Variants in SCD5 observed in about 807,000 individuals in gnomAD.
The protein encoded by SCD5 is stearoyl-CoA desaturase 5.
A neutral mutation model predicts 30.4 loss-of-function variants in SCD5; 20 were observed. The observed-to-expected ratio is 0.66, with a 90% CI of 0.46 to 0.96. SCD5 has a LOEUF of 0.96. Among genes scored for constraint, SCD5 ranks in the 40% least tolerant of loss-of-function variants. The probability of loss-of-function intolerance (pLI) is 0.00; values close to 1 mark genes in which losing one functional copy is unlikely to be tolerated. For synonymous variants in SCD5, 173 were observed against 176.4 expected, an observed-to-expected ratio of 0.98 and a Z score of 0.16; for missense variants, 381 against 443.3, an observed-to-expected ratio of 0.86 and a Z score of 1.26.
intron 1 of SCD5, among the ~76,000 whole-genome samples, chr4:82,769,592 T>C (rs1250476464): frequency 6.6e-6 from 1 of 152,178 alleles, no homozygotes; most frequent in Non-Finnish European, 1.5e-5. Flanking sequence ...TCTTTTTTGG[T>C]AAAGAATTTC....
rs115431651 is a variant in SCD5 at position 82,756,157 on chromosome 4, C to T, written c.232+42149G>A. 6.3e-3 allele frequency among the ~76,000 whole-genome samples: 966 copies of T among 152,272 alleles called. 11 individuals carry two copies. Among genetic ancestry groups the T allele is most frequent in the Middle Eastern group, 0.034 (10 of 294 alleles). On this transcript the variant is annotated intron_variant, in intron 1 of 4. Transcript: ENST00000319540. ...GTGTAATATGGAAACCAGCATCTCT[C>T]TCCACTCCCTTCTAGAATCATCAGT...
intron 1 of SCD5, among the ~76,000 whole-genome samples, chr4:82,774,228 G>A (rs1380824867): frequency 2.0e-5 from 3 of 151,490 alleles, no homozygotes; most frequent in African/African-American, 7.3e-5. Flanking sequence ...CAACAACAAC[G>A]AAAAACAACC....
chr4:82,786,302 G>C (rs1211269832), intron 1 of SCD5, among the ~76,000 whole-genome samples: 2 of 152,140 alleles, frequency 1.3e-5, no homozygotes, highest in African/African-American at 4.8e-5. Context: ...TTCCAATTTA[G>C]GTCATAGGCT....
intron 3 of SCD5, among the ~76,000 whole-genome samples, chr4:82,676,804 C>T (rs1728446163): frequency 6.6e-6 from 1 of 152,234 alleles, no homozygotes. Flanking sequence ...AAAGGCAATA[C>T]CACTGGCTTC....
intron 1 of SCD5, among the ~76,000 whole-genome samples, chr4:82,742,151 T>C (rs895529937): frequency 8.6e-5 from 13 of 151,832 alleles, no homozygotes; most frequent in Non-Finnish European, 1.8e-4. Flanking sequence ...GCAGCTTGTG[T>C]GGACCACTTG....
rs754517652 is a variant in SCD5, at chr4:82,798,529, G to A, written c.9C>T (p.Gly3=). Residue 3 remains glycine, a synonymous_variant, in exon 1 of 5, where the codon GGC becomes GGT. Coordinates refer to ENST00000319540, the MANE Select transcript of SCD5 (RefSeq NM_001037582.3). MP[G]PATDAGKIPF... is the part of the protein sequence containing the mutation. ...GGATCTTCCCCGCGTCGGTGGCCGGGCCTGGCATGGCTGGGCGAGGTGGGC... is the reference window on the plus strand; with the variant it reads ...GGATCTTCCCCGCGTCGGTGGCCGGACCTGGCATGGCTGGGCGAGGTGGGC... 7.5e-6 allele frequency: 12 copies of A among 1,592,918 alleles called. No homozygotes were observed. Among genetic ancestry groups the A allele is most frequent in the Non-Finnish European group, 9.4e-6 (11 of 1,170,350 alleles).
intron 1 of SCD5, among the ~76,000 whole-genome samples, chr4:82,744,272 T>A (rs1245579588): frequency 6.6e-6 from 1 of 152,238 alleles, no homozygotes. Flanking sequence ...CCCAGACGGT[T>A]ACCCATATTT....
At chr4:82,725,220 T>C (rs1720445685) in intron 1 of SCD5, among the ~76,000 whole-genome samples, 1 of 152,198 alleles carries the variant, frequency 6.6e-6, no homozygotes, top group Non-Finnish European at 1.5e-5. Flanking sequence ...TTCCAGCTGA[T>C]GTGAAATCTA....
At chr4:82,642,584 TTTTCATCAG>T in intron 3 of SCD5, among the ~76,000 whole-genome samples, 1 of 151,912 alleles carries the variant, frequency 6.6e-6, no homozygotes, top group East Asian at 1.9e-4. Flanking sequence ...CTCTCAGGGG[TTTTCATCAG>T]TCCCCCAGGC....
chr4:82,711,667 C>T (rs554921113), intron 1 of SCD5, among the ~76,000 whole-genome samples: 1 of 151,682 alleles, frequency 6.6e-6, no homozygotes, highest in Non-Finnish European at 1.5e-5. Context: ...GATCTCACCA[C>T]TGTTCTCCAG....
At chr4:82,790,090 C>G (rs1722069706) in intron 1 of SCD5, among the ~76,000 whole-genome samples, 1 of 152,162 alleles carries the variant, frequency 6.6e-6, no homozygotes, top group African/African-American at 2.4e-5. Flanking sequence ...AGCCCCACTT[C>G]AAGCCCACTA....
chr4:82,671,924 A>G (rs2072962351), intron 3 of SCD5, among the ~76,000 whole-genome samples: 1 of 152,122 alleles, frequency 6.6e-6, no homozygotes, highest in South Asian at 2.1e-4. Context: ...CCCAAAATAC[A>G]TGGAAATCAA....
intron 3 of SCD5, among the ~76,000 whole-genome samples, chr4:82,675,444 G>T (rs1270227497): frequency 6.6e-6 from 1 of 152,126 alleles, no homozygotes; most frequent in Non-Finnish European, 1.5e-5. Context: ...ATGTTTGAGT[G>T]CCTTTCTTCC....
At chr4:82,636,946 A>G (rs568063723) in intron 3 of SCD5, 123 bp from the exon 4 acceptor site, 22 of 759,884 alleles carry the variant, frequency 2.9e-5, no homozygotes, top group Middle Eastern at 2.7e-4. Flanking sequence ...AGCTCCTTCA[A>G]CGCTTTCTAT....
chr4:82,747,069 G>GGCCCCCCCCCCCCCCCCCC (rs1553918953), intron 1 of SCD5, among the ~76,000 whole-genome samples: 1 of 139,698 alleles, frequency 7.2e-6, no homozygotes, highest in Non-Finnish European at 1.6e-5. Flanking sequence ...TGGGCAACCT[G>GGCCCCCCCCCCCCCCCCCC]CCCCCCAAGA....
intron 3 of SCD5, chr4:82,660,743 T>C: frequency 6.7e-7 from 1 of 1,488,524 alleles, no homozygotes; most frequent in South Asian, 1.4e-5. Context: ...AATCAATAAA[T>C]AACCTAATGT....
intron 3 of SCD5, among the ~76,000 whole-genome samples, chr4:82,654,242 C>T (rs1299580192): frequency 6.6e-6 from 1 of 152,156 alleles, no homozygotes; most frequent in African/African-American, 2.4e-5. Context: ...ATCTGTGTGA[C>T]AGATTTATTA....
chr4:82,754,465 G>GA (rs1232013222), intron 1 of SCD5, among the ~76,000 whole-genome samples: 4 of 51,870 alleles, frequency 7.7e-5, no homozygotes, highest in Non-Finnish European at 1.3e-4. Flanking sequence ...TGCCACAGGA[G>GA]GGGTCTGGGT....
intron 1 of SCD5, among the ~76,000 whole-genome samples, chr4:82,795,359 G>C (rs1335104303): frequency 6.6e-6 from 1 of 152,180 alleles, no homozygotes; most frequent in African/African-American, 2.4e-5. Context: ...AACCAGTAGG[G>C]AGGTGGTGAA....
Sources: allele counts gnomAD v4.1 joint callset (sites outside exome capture counted in the v4.1 genomes callset), GRCh38; gene constraint gnomAD v4.1.1; transcripts MANE v1.5; gene names NCBI Gene and HGNC (gene_info 2026-07-23, HGNC 2026-07-21).